RHCG: variants seen among roughly 807,000 people sequenced by gnomAD.
RHCG encodes the protein Rh family C glycoprotein, also known as ammonium transporter Rh type C.
RHCG carries 39 observed loss-of-function variants against 55.3 expected under a neutral mutation model. That is an observed-to-expected ratio of 0.70 (90% confidence interval 0.55 to 0.92). The LOEUF is 0.92. Ranked by LOEUF, RHCG falls within the 40% of genes least tolerant of loss-of-function variation. RHCG has a pLI of 0.00. For synonymous variants in RHCG, 250 were observed against 246.8 expected (o/e 1.01, Z -0.12); for missense variants, 635 against 627.9 (o/e 1.01, Z -0.12).
At chr15:89,489,606 A>G (rs1468362361) in intron 1 of RHCG, among the ~76,000 whole-genome samples, 1 of 150,528 alleles carries the variant, frequency 6.6e-6, no homozygotes, top group East Asian at 1.9e-4. Flanking sequence ...GGGGATCTCT[A>G]CCTCCCCACA....
intron 8 of RHCG, 64 bp from the exon 9 acceptor site, chr15:89,476,892 T>G: frequency 2.6e-6 from 4 of 1,553,834 alleles, no homozygotes; most frequent in Non-Finnish European, 3.6e-6. Flanking sequence ...CCCAGCCATT[T>G]CCCTCAGCTG....
At position 89,476,928 on chromosome 15, in the gene RHCG, C is replaced by T. The variant is rs995651808; in HGVS notation, c.1238-100G>A. On this transcript the variant is annotated intron_variant, in intron 8 of 10. Coordinates refer to ENST00000268122, the MANE Select transcript of RHCG (RefSeq NM_016321.3). ...GGAAAATCCTCCTGGGGCCCTTGGG[C>T]TGAGTTCCAAATTGTCCCAGTCCTG... is the stretch of plus-strand genomic sequence containing the variant. The T allele has an allele frequency of 7.8e-6, 12 of 1,541,600 alleles. No homozygotes were observed. The Admixed American group carries it at 2.0e-4, about 26-fold the overall frequency.
intron 9 of RHCG, among the ~76,000 whole-genome samples, chr15:89,475,296 C>T (rs554790076): frequency 1.3e-5 from 2 of 151,954 alleles, no homozygotes; most frequent in Non-Finnish European, 2.9e-5. Context: ...AGGGCAGTGG[C>T]GCAATCACAG....
At chr15:89,487,011 T>A (rs1208319594) in intron 1 of RHCG, 26 bp from the exon 2 acceptor site, 4 of 1,524,216 alleles carry the variant, frequency 2.6e-6, no homozygotes, top group Admixed American at 4.1e-5. Context: ...AGCCCGGGAC[T>A]CGGTGGTCTG....
Position 89,496,570 on chromosome 15 carries a change from G to C in RHCG, c.-26C>G, listed in dbSNP as rs1327456261. The stretch of plus-strand genomic sequence containing the variant: ...GCTGCAGGGGTGCCTGGCCGGGCTG[G>C]CAGCGGGCGGTTCGGACGCTCGGAG... On this transcript the variant is annotated 5_prime_UTR_variant, in exon 1 of 11. Transcript: ENST00000268122. The C allele has an allele frequency of 6.3e-7, 1 of 1,598,130 alleles. No individual in the cohort carries two copies. Among genetic ancestry groups the C allele is most frequent in the East Asian group, 2.3e-5 (1 of 44,268 alleles).
chr15:89,482,785 C>T (rs1021226884), intron 3 of RHCG, among the ~76,000 whole-genome samples: 1 of 152,132 alleles, frequency 6.6e-6, no homozygotes, highest in Non-Finnish European at 1.5e-5. Flanking sequence ...GCAGGGATAT[C>T]CTATTCATTC....
intron 1 of RHCG, 90 bp downstream of exon 1, chr15:89,496,268 TCCC>T: frequency 2.3e-6 from 3 of 1,318,884 alleles, no homozygotes; most frequent in Admixed American, 1.8e-5. Context: ...GCAGGGTAGA[TCCC>T]CTCCTCTGCC....
chr15:89,488,054 T>C (rs115891947), intron 1 of RHCG, among the ~76,000 whole-genome samples: 10 of 152,170 alleles, frequency 6.6e-5, no homozygotes, highest in African/African-American at 1.9e-4. Context: ...GCAAAGAGAA[T>C]TGCAAAAGCA....
At chr15:89,486,745 C>T in intron 2 of RHCG, 54 bp downstream of exon 2, 2 of 1,547,892 alleles carry the variant, frequency 1.3e-6, no homozygotes, top group African/African-American at 1.4e-5. Context: ...GGCTCACCTG[C>T]CCAGCCCCAT....
chr15:89,478,195 C>T (rs994920341), intron 5 of RHCG, among the ~76,000 whole-genome samples: 5 of 152,216 alleles, frequency 3.3e-5, no homozygotes, highest in Admixed American at 6.5e-5. Context: ...CCACCCATCC[C>T]GCCTAGTAGG....
chr15:89,487,449 G>A (rs1596407416), intron 1 of RHCG, among the ~76,000 whole-genome samples: 1 of 152,204 alleles, frequency 6.6e-6, no homozygotes, highest in South Asian at 2.1e-4. Context: ...AGCCCAGACC[G>A]TCTGAGGCTA....
intron 1 of RHCG, among the ~76,000 whole-genome samples, chr15:89,488,118 G>T (rs1317390740): frequency 6.6e-6 from 1 of 152,138 alleles, no homozygotes; most frequent in Non-Finnish European, 1.5e-5. Flanking sequence ...CAGATGGAAG[G>T]GCTCCCACTG....
At chr15:89,486,470 G>A (rs1284952501) in intron 2 of RHCG, 2 of 466,794 alleles carry the variant, frequency 4.3e-6, no homozygotes, top group Non-Finnish European at 4.3e-6. Flanking sequence ...AGCCTTTGTC[G>A]TAGGGGAAGG....
chr15:89,477,398 G>T lies in RHCG; in HGVS notation c.1112+119C>A, dbSNP rs1293957053. The T allele has an allele frequency of 2.1e-6, 3 of 1,442,524 alleles. No homozygotes were observed. The highest frequency in any genetic ancestry group is 2.8e-6 in the Non-Finnish European group (3 of 1,063,604). The allele number at this position is 1,442,524 out of a possible 1,614,324, so 89.4% of individuals were successfully genotyped here. ...GGGGAGAGAGACCCATGAAACAATT[G>T]GTCCAGAGTGGGGAAGGAAAGGGAG... is the stretch of plus-strand genomic sequence containing the variant. On this transcript the variant is annotated intron_variant, in intron 7 of 10. Transcript: ENST00000268122. This position sits in a 1 kb window ranked among gnomAD's most constrained non-coding sequence, Gnocchi z 4.5.
chr15:89,475,991 C>A (rs1961141399), intron 9 of RHCG, among the ~76,000 whole-genome samples: 1 of 147,622 alleles, frequency 6.8e-6, no homozygotes, highest in Non-Finnish European at 1.5e-5. Context: ...CTTTGCATTT[C>A]TCTCTCTCTC....
At chr15:89,492,778 T>C (rs1385726581) in intron 1 of RHCG, among the ~76,000 whole-genome samples, 3 of 152,240 alleles carry the variant, frequency 2.0e-5, no homozygotes, top group Non-Finnish European at 4.4e-5. Context: ...CCAACTAATA[T>C]AGGGAGAGGT....
chr15:89,476,619 T>G, intron 9 of RHCG, 136 bp downstream of exon 9: 6 of 688,826 alleles, frequency 8.7e-6, no homozygotes, highest in East Asian at 2.7e-5. Context: ...CCTCCCCCGA[T>G]GAAGAAGTAG....
chr15:89,474,740 T>G lies in RHCG; in HGVS notation c.1312-1877A>C, dbSNP rs951476831. ...TTCGTTCATTCCTTCCTGCCTGCCT[T>G]CCTTCCTGCCTGCCTTCCTTCCTGC... On this transcript the variant is annotated intron_variant, in intron 9 of 10. Coordinates refer to ENST00000268122, the MANE Select transcript of RHCG (RefSeq NM_016321.3). 7.4e-5 allele frequency among the ~76,000 whole-genome samples: 11 copies of G among 149,018 alleles called. No individual in the cohort carries two copies. The East Asian group carries it at 7.8e-4, about 11-fold the overall frequency.
rs1160743893 is a variant in RHCG, at chr15:89,477,301, C to T, written c.1113-95G>A. ...AAATGTGACCGGGTACCACGGGCCT[C>T]AGCCTTCCCACCCACAACATGGGGA... On this transcript the variant is annotated intron_variant, in intron 7 of 10. Transcript: ENST00000268122. The surrounding 1 kb of genome is among the most constrained non-coding windows in gnomAD (Gnocchi z 4.5). 6 of 1,532,806 alleles carry T rather than the reference C, an allele frequency of 3.9e-6. No individual in the cohort carries two copies. The highest frequency in any genetic ancestry group is 1.7e-4 in the Middle Eastern group (1 of 5,746). 95.0% of individuals were successfully genotyped at this position (1,532,806 alleles called of 1,614,324 possible).
Sources: allele counts gnomAD v4.1 joint callset (sites outside exome capture counted in the v4.1 genomes callset), GRCh38; gene constraint gnomAD v4.1.1; non-coding constraint Gnocchi (gnomAD v3.1); transcripts MANE v1.5; gene names NCBI Gene and HGNC (gene_info 2026-07-23, HGNC 2026-07-21).